Variants in CENPI observed in about 807,000 individuals in gnomAD.
CENPI encodes FSH primary response 1.
A neutral mutation model predicts 60.4 loss-of-function variants in CENPI; 4 were observed. The observed-to-expected ratio is 0.07, with a 90% CI of 0.03 to 0.15. CENPI has a LOEUF of 0.15. Among genes scored for constraint, CENPI ranks in the 10% least tolerant of loss-of-function variants. The pLI, the probability that CENPI is intolerant of heterozygous loss-of-function variation, is 1.00. For missense variants in CENPI, 444 were observed against 534.5 expected (o/e 0.83, Z 1.67); for synonymous variants, 157 against 189.4 (o/e 0.83, Z 1.40).
rs759286390 is a variant in CENPI at position 101,166,027 on chromosome X, A to G, written c.*3060A>G. Among the ~76,000 whole-genome samples, 3 of 112,465 alleles carry G rather than the reference A, an allele frequency of 2.7e-5. No homozygotes were observed. The highest frequency in any genetic ancestry group is 5.6e-5 in the Non-Finnish European group (3 of 53,294). On this transcript the variant is annotated 3_prime_UTR_variant, in exon 22 of 22. Transcript: ENST00000682095. Reference sequence around the variant, plus strand: ...AAGAAACTTTTCTAAACTTAAATTTATGAAAAATAATTTTTCCCTTAGGTT... The same window carrying G: ...AAGAAACTTTTCTAAACTTAAATTTGTGAAAAATAATTTTTCCCTTAGGTT...
chrX:101,150,670 A>G (rs1251373169), intron 20 of CENPI, among the ~76,000 whole-genome samples: 1 of 108,978 alleles, frequency 9.2e-6, no homozygotes, highest in African/African-American at 3.3e-5. Context: ...GTGCCTGGCT[A>G]CTTTTTTTTT....
chrX:101,105,200 A>G (rs1295363721), intron 4 of CENPI, among the ~76,000 whole-genome samples: 1 of 111,754 alleles, frequency 8.9e-6, no homozygotes, highest in Non-Finnish European at 1.9e-5. Flanking sequence ...GTCAAGATCA[A>G]TTCTCCCACT....
In CENPI at chrX:101,126,716, A is replaced by G; in HGVS notation, c.695A>G (p.Gln232Arg). ...AAACTTATTTTATTTCAGGGAATGC[A>G]GCCTCATCTCCAGGCTTTGTTGTCA... ...LLDLQAKMGM[Q>R]PHLQALLSLY... The change falls in exon 9 of 22, where the codon CAG becomes CGG. Residue 232 changes from glutamine (Q) to arginine (R), a missense_variant. By Grantham distance (43) the Gln-to-Arg change is conservative (BLOSUM62 1). Coordinates refer to ENST00000682095, the MANE Select transcript of CENPI (RefSeq NM_001386188.2). The G allele has an allele frequency of 8.3e-7, 1 of 1,204,727 alleles. No homozygotes were observed. Among genetic ancestry groups the G allele is most frequent in the Non-Finnish European group, 1.1e-6 (1 of 889,435 alleles).
chrX:101,114,429 G>GA (rs1205125481), intron 6 of CENPI, among the ~76,000 whole-genome samples: 1 of 110,984 alleles, frequency 9.0e-6, no homozygotes, highest in Non-Finnish European at 1.9e-5. Flanking sequence ...ACCTCAAAAA[G>GA]AAAAAAAGAA....
intron 20 of CENPI, among the ~76,000 whole-genome samples, chrX:101,148,824 T>C (rs907835773): frequency 4.5e-5 from 5 of 111,164 alleles, no homozygotes; most frequent in African/African-American, 1.6e-4. Flanking sequence ...GACGGGAACA[T>C]TGAGAAATCT....
At chrX:101,170,511 C>G (rs1006294169), downstream of CENPI, among the ~76,000 whole-genome samples, 1 of 112,047 alleles carries the variant, frequency 8.9e-6, no homozygotes, top group Non-Finnish European at 1.9e-5. Flanking sequence ...TACACCATAT[C>G]AAAACATTGT....
intron 9 of CENPI, 29 bp from the exon 10 acceptor site, chrX:101,127,104 CCTACT>C: frequency 1.8e-6 from 2 of 1,088,170 alleles, no homozygotes; most frequent in Non-Finnish European, 2.4e-6. Flanking sequence ...TTTATGGGTA[CCTACT>C]CTCTTGTACT....
At chrX:101,139,725 A>T (rs1344608909) in intron 15 of CENPI, among the ~76,000 whole-genome samples, 1 of 111,795 alleles carries the variant, frequency 8.9e-6, no homozygotes, top group African/African-American at 3.2e-5. Context: ...GGTTTGCTGT[A>T]TTAGATTTTG....
In CENPI at chrX:101,102,265, T is replaced by C. The variant is rs2089425036; in HGVS notation, c.227-9T>C. The C allele has an allele frequency of 2.6e-6, 3 of 1,146,083 alleles. No homozygotes were observed. The highest frequency in any genetic ancestry group is 3.5e-6 in the Non-Finnish European group (3 of 854,712). The allele number at this position is 1,146,083 out of a possible 1,213,427, so 94.5% of individuals were successfully genotyped here. A position where few individuals can be genotyped will look rare whatever the true frequency, so the allele number is the denominator to read the frequency against. Reference sequence around the variant, plus strand: ...AGGTCTCACTATTTAATATTGTTTCTTTTTTCAGGTCCCATTAAAGCTTCA... The same window carrying C: ...AGGTCTCACTATTTAATATTGTTTCCTTTTTCAGGTCCCATTAAAGCTTCA... On this transcript the variant is annotated splice_polypyrimidine_tract_variant and intron_variant, in intron 3 of 21. Coordinates refer to ENST00000682095, the MANE Select transcript of CENPI (RefSeq NM_001386188.2).
chrX:101,138,859 C>T (rs893892417), intron 15 of CENPI, among the ~76,000 whole-genome samples: 1 of 108,462 alleles, frequency 9.2e-6, no homozygotes, highest in Non-Finnish European at 1.9e-5. Context: ...CTCCTGGACT[C>T]AAGGGATCTG....
chrX:101,179,107 A>C, the CENPI span, among the ~76,000 whole-genome samples: 1 of 112,086 alleles, frequency 8.9e-6, no homozygotes, highest in African/African-American at 3.2e-5. Context: ...TACCACCAAT[A>C]TTAGTTTCAG....
At chrX:101,162,009 C>T (rs904566990) in intron 21 of CENPI, among the ~76,000 whole-genome samples, 2 of 109,356 alleles carry the variant, frequency 1.8e-5, no homozygotes, top group African/African-American at 6.7e-5. Flanking sequence ...GGTGTAATCT[C>T]GGCTCACTGC....
chrX:101,180,583 C>A, the CENPI span, among the ~76,000 whole-genome samples: 1 of 112,160 alleles, frequency 8.9e-6, no homozygotes. Flanking sequence ...CCCTTTAATG[C>A]ACAAACTATT....
In CENPI at chrX:101,132,210, A is replaced by G. The variant is rs749212778; in HGVS notation, c.1308A>G (p.Glu436=). Residue 436 remains glutamate (E), a synonymous_variant, in exon 14 of 22, where the codon GAA becomes GAG. Coordinates refer to ENST00000682095, the MANE Select transcript of CENPI (RefSeq NM_001386188.2). The stretch of plus-strand genomic sequence containing the variant: ...TACAGGAGGGGTTTTATTCCTGTGA[A>G]GCATTCCTGTATAAGAGCCTTCCTC... ...CFLQEGFYSC[E]AFLYKSLPLW... 5 of 1,204,998 alleles carry G rather than the reference A, an allele frequency of 4.1e-6. No homozygotes were observed. In the East Asian group the frequency reaches 1.5e-4, roughly 36 times the overall value.
At chrX:101,135,910 A>G (rs1381503210) in intron 15 of CENPI, among the ~76,000 whole-genome samples, 1 of 111,389 alleles carries the variant, frequency 9.0e-6, no homozygotes, top group East Asian at 2.8e-4. Flanking sequence ...TTTAGTAGAG[A>G]CGGGGTTTCA....
chrX:101,150,507 A>T (rs187451180), intron 20 of CENPI, among the ~76,000 whole-genome samples: 1,287 of 109,565 alleles, frequency 0.012, 7 homozygotes, highest in Middle Eastern at 0.087. Flanking sequence ...AGTAGCTGGG[A>T]CTACAGGCGT....
rs2090140765 is a variant in CENPI at position 101,165,527 on chromosome X, C to T, written c.*2560C>T. 8.9e-6 allele frequency among the ~76,000 whole-genome samples: 1 copy of T among 111,997 alleles called. No individual in the cohort carries two copies. The highest frequency in any genetic ancestry group is 1.9e-5 in the Non-Finnish European group (1 of 53,242). On this transcript the variant is annotated 3_prime_UTR_variant, in exon 22 of 22. Transcript: ENST00000682095. ...TTTTGGCTATGTTAGGTTGGAAATG[C>T]TGTGTAGGCAATTGGATATCCAAGT...
chrX:101,139,966 T>C (rs990101647), intron 15 of CENPI, among the ~76,000 whole-genome samples: 29 of 109,711 alleles, frequency 2.6e-4, no homozygotes, highest in Non-Finnish European at 5.1e-4. Context: ...TCCCAAGTAG[T>C]TGGGACTACA....
intron 20 of CENPI, among the ~76,000 whole-genome samples, chrX:101,156,218 G>A (rs199526688): frequency 9.0e-6 from 1 of 110,966 alleles, no homozygotes; most frequent in Non-Finnish European, 1.9e-5. Context: ...CACCATGTTG[G>A]TTAGGCTGGT....
Sources: allele counts gnomAD v4.1 joint callset (sites outside exome capture counted in the v4.1 genomes callset), GRCh38; gene constraint gnomAD v4.1.1; transcripts MANE v1.5; gene names NCBI Gene and HGNC (gene_info 2026-07-23, HGNC 2026-07-21).